The following SNX27 variants were observed in gnomAD, a reference collection of about 807,000 sequenced individuals.
The protein encoded by SNX27 is sorting nexin 27.
SNX27 carries 22 observed loss-of-function variants against 71.6 expected under a neutral mutation model. That is an observed-to-expected ratio of 0.31 (90% confidence interval 0.22 to 0.44). SNX27 has a LOEUF of 0.44. Among genes scored for constraint, SNX27 ranks in the 20% least tolerant of loss-of-function variants. The probability of loss-of-function intolerance (pLI) is 1.00; values close to 1 mark genes in which losing one functional copy is unlikely to be tolerated. For synonymous variants in SNX27, 269 were observed against 277.2 expected (o/e 0.97, Z 0.29); for missense variants, 531 against 698.6 (o/e 0.76, Z 2.70).
intron 2 of SNX27, among the ~76,000 whole-genome samples, chr1:151,645,201 A>G (rs982658254): frequency 1.3e-5 from 2 of 152,190 alleles, no homozygotes; most frequent in Admixed American, 6.5e-5. Flanking sequence ...TCTTGGCATC[A>G]TTGTGGAAAA....
rs746171632 is a variant in SNX27, at chr1:151,692,918, T to C, written c.1397T>C (p.Val466Ala). 6.2e-7 allele frequency: 1 copy of C among 1,614,142 alleles called. No homozygotes were observed. The highest frequency in any genetic ancestry group is 1.1e-5 in the South Asian group (1 of 91,084). The change falls in exon 10 of 12, where the codon GTA becomes GCA. Residue 466 changes from valine to alanine, a missense_variant. Coordinates refer to ENST00000458013, the MANE Select transcript of SNX27 (RefSeq NM_001330723.2). ...CTEEGQLENQ[V>A]IAFEWDEMQR... ...CTTGTCTTGGTTGTCCAGAACCAGGTAATTGCATTTGAATGGGATGAGATG... is the reference window on the plus strand; with the variant it reads ...CTTGTCTTGGTTGTCCAGAACCAGGCAATTGCATTTGAATGGGATGAGATG...
At chr1:151,630,963 C>T (rs1039997029) in intron 1 of SNX27, among the ~76,000 whole-genome samples, 5 of 152,128 alleles carry the variant, frequency 3.3e-5, no homozygotes, top group Non-Finnish European at 4.4e-5. Context: ...ACCCGGGAGG[C>T]GGAGCTGGCA....
rs1669792260 is a variant in SNX27, at chr1:151,658,336, A to G, written c.645A>G (p.Thr215=). The G allele has an allele frequency of 6.2e-7, 1 of 1,614,138 alleles. No homozygotes were observed. Among genetic ancestry groups the G allele is most frequent in the Non-Finnish European group, 8.5e-7 (1 of 1,180,016 alleles). The change falls in exon 3 of 12, where the codon ACA becomes ACG. Residue 215 remains threonine, a synonymous_variant. Coordinates refer to ENST00000458013, the MANE Select transcript of SNX27 (RefSeq NM_001330723.2). Reference sequence around the variant, plus strand: ...TGAAGAGAGAGTTTGCCAACTTTACATTTCCTCGACTCCCAGGGAAGTGGC... The same window carrying G: ...TGAAGAGAGAGTTTGCCAACTTTACGTTTCCTCGACTCCCAGGGAAGTGGC... ...QNLKREFANF[T]FPRLPGKWPF...
At chr1:151,615,141 G>A (rs2102587020) in intron 1 of SNX27, among the ~76,000 whole-genome samples, 1 of 152,248 alleles carries the variant, frequency 6.6e-6, no homozygotes, top group African/African-American at 2.4e-5. Flanking sequence ...GTGGGCAGGG[G>A]AAAAGAATAC....
chr1:151,668,331 A>G (rs971413851), intron 6 of SNX27, 141 bp from the exon 7 acceptor site: 4 of 731,666 alleles, frequency 5.5e-6, no homozygotes, highest in African/African-American at 3.6e-5. Flanking sequence ...TTGTGCTCCC[A>G]AGGCAGAACT....
chr1:151,624,856 A>T (rs1451796918), intron 1 of SNX27, among the ~76,000 whole-genome samples: 1 of 152,178 alleles, frequency 6.6e-6, no homozygotes, highest in Non-Finnish European at 1.5e-5. Flanking sequence ...TTATATTTGT[A>T]TACTGATTGC....
In SNX27 at chr1:151,668,602, C is replaced by T. The variant is rs1348690095; in HGVS notation, c.1116C>T (p.Asp372=). 1 of 1,613,762 alleles carries T rather than the reference C, an allele frequency of 6.2e-7. No homozygotes were observed. Among genetic ancestry groups the T allele is most frequent in the African/African-American group, 1.3e-5 (1 of 74,908 alleles). ...CAGAAGAAGAAATTCTCTTAAATGA[C>T]AATGACCTTGCTGTTACCTACTTCT... ...FTTEEEILLN[D]NDLAVTYFFH... The change falls in exon 7 of 12, where the codon GAC becomes GAT. Residue 372 remains aspartate, a synonymous_variant. Transcript: ENST00000458013.
chr1:151,682,313 T>G (rs533696400), intron 7 of SNX27, among the ~76,000 whole-genome samples: 105 of 151,600 alleles, frequency 6.9e-4, no homozygotes, highest in African/African-American at 2.4e-3. Context: ...GAAAGGAAGG[T>G]TTTTTTTTGT....
intron 2 of SNX27, among the ~76,000 whole-genome samples, chr1:151,654,007 A>G (rs1669560920): frequency 6.6e-6 from 1 of 151,528 alleles, no homozygotes; most frequent in Admixed American, 6.6e-5. Context: ...TAATTTTTGT[A>G]TTTTTAGTAG....
chr1:151,615,184 T>A (rs1667372611), intron 1 of SNX27, among the ~76,000 whole-genome samples: 1 of 152,244 alleles, frequency 6.6e-6, no homozygotes, highest in South Asian at 2.1e-4. Context: ...AAGGTTGTGA[T>A]AATCAGAAAT....
chr1:151,648,201 G>A (rs1022895199), intron 2 of SNX27, among the ~76,000 whole-genome samples: 4 of 151,754 alleles, frequency 2.6e-5, no homozygotes, highest in African/African-American at 7.3e-5. Flanking sequence ...CCACAGGTGC[G>A]CACCACCACG....
Position 151,638,936 on chromosome 1 carries a change from G to C in SNX27, c.360G>C (p.Leu120=), listed in dbSNP as rs776159114. 3.7e-6 allele frequency: 6 copies of C among 1,614,024 alleles called. No homozygotes were observed. The East Asian group carries it at 1.3e-4, about 36-fold the overall frequency. Residue 120 remains leucine, a synonymous_variant, in exon 2 of 12, where the codon CTG becomes CTC. Transcript: ENST00000458013. ...CGACACACAAGCAGGTGGTGGACCT[G>C]ATTCGAGCAGGCGAGAAGGAATTGA... The part of the protein sequence containing the change: ...EGATHKQVVD[L]IRAGEKELIL...
chr1:151,625,505 CA>C lies in SNX27; in HGVS notation c.311+13006del, dbSNP rs955920618. ...TGGGTGACAGAGCAAGACTCTGTCT[CA>C]AAAAAAAAAAAAGATAAATAAAAAA... On this transcript the variant is annotated intron_variant, in intron 1 of 11. Coordinates refer to ENST00000458013, the MANE Select transcript of SNX27 (RefSeq NM_001330723.2). Among the ~76,000 whole-genome samples, 339 of 125,658 alleles carry C rather than the reference CA, an allele frequency of 2.7e-3. 1 individual carries two copies. Among genetic ancestry groups the C allele is most frequent in the Middle Eastern group, 4.1e-3 (1 of 242 alleles). 82.4% of individuals were successfully genotyped at this position (125,658 alleles called of 152,430 possible). A position where few individuals can be genotyped will look rare whatever the true frequency, so the allele number is the denominator to read the frequency against.
At position 151,612,387 on chromosome 1, in the gene SNX27, C is replaced by T; in HGVS notation, c.186C>T (p.Ser62=). Residue 62 remains serine, a synonymous_variant, in exon 1 of 12, where the codon AGC becomes AGT. Coordinates refer to ENST00000458013, the MANE Select transcript of SNX27 (RefSeq NM_001330723.2). The surrounding 1 kb of genome is among the most constrained non-coding windows in gnomAD (Gnocchi z 5.2). ...GYGFNVRGQV[S]EGGQLRSING... is the part of the protein sequence containing the mutation. ...GCTTCAACGTGCGGGGCCAAGTGAG[C>T]GAGGGCGGGCAACTGCGGAGCATCA... 1.3e-6 allele frequency: 2 copies of T among 1,531,110 alleles called. No individual in the cohort carries two copies. Among genetic ancestry groups the T allele is most frequent in the East Asian group, 2.7e-5 (1 of 37,094 alleles). The allele number at this position is 1,531,110 out of a possible 1,614,324, so 94.8% of individuals were successfully genotyped here. A position where few individuals can be genotyped will look rare whatever the true frequency, so the allele number is the denominator to read the frequency against.
rs374806660 is a variant in SNX27 at position 151,667,591 on chromosome 1, C to T, written c.986-881C>T. 8.5e-4 allele frequency among the ~76,000 whole-genome samples: 103 copies of T among 120,668 alleles called. 1 individual carries two copies. Among genetic ancestry groups the T allele is most frequent in the African/African-American group, 2.5e-3 (98 of 39,106 alleles). The allele number at this position is 120,668 out of a possible 152,430, so 79.2% of individuals were successfully genotyped here. A position where few individuals can be genotyped will look rare whatever the true frequency, so the allele number is the denominator to read the frequency against. On this transcript the variant is annotated intron_variant, in intron 6 of 11. Transcript: ENST00000458013. ...CTGTAATCCCAGCACTTTGGGAGGCCGAGGCGGGCGGATCACGAGGTCAGG... is the reference window on the plus strand; with the variant it reads ...CTGTAATCCCAGCACTTTGGGAGGCTGAGGCGGGCGGATCACGAGGTCAGG...
chr1:151,613,119 C>T (rs1667268713), intron 1 of SNX27: 1 of 152,310 alleles, frequency 6.6e-6, no homozygotes, highest in Non-Finnish European at 1.5e-5. Flanking sequence ...GTTACGCTGC[C>T]CCTAAATTTT....
At chr1:151,624,636 T>TG (rs1667839731) in intron 1 of SNX27, among the ~76,000 whole-genome samples, 1 of 151,412 alleles carries the variant, frequency 6.6e-6, no homozygotes, top group Non-Finnish European at 1.5e-5. Context: ...TTCACCATAT[T>TG]GATCAGGTTG....
intron 2 of SNX27, among the ~76,000 whole-genome samples, chr1:151,651,634 TCA>T (rs1301320349): frequency 3.3e-5 from 5 of 149,780 alleles, no homozygotes; most frequent in Non-Finnish European, 7.4e-5. Context: ...TCCCCACATC[TCA>T]GACGATGGGT....
At chr1:151,692,842 C>T (rs2102743661) in intron 9 of SNX27, 69 bp from the exon 10 acceptor site, 3 of 1,597,714 alleles carry the variant, frequency 1.9e-6, no homozygotes, top group East Asian at 2.2e-5. Flanking sequence ...TGGTTCAGAA[C>T]CCCCTACCTC....
Sources: allele counts gnomAD v4.1 joint callset (sites outside exome capture counted in the v4.1 genomes callset), GRCh38; gene constraint gnomAD v4.1.1; non-coding constraint Gnocchi (gnomAD v3.1); transcripts MANE v1.5; gene names NCBI Gene and HGNC (gene_info 2026-07-23, HGNC 2026-07-21).